Variants in PHF14 observed in about 807,000 individuals in gnomAD.
PHF14 encodes PHD finger protein 14.
Under a neutral mutation model 117.9 loss-of-function variants are expected in PHF14, and 55 were observed. That is an observed-to-expected ratio of 0.47 (90% CI 0.38 to 0.58). The LOEUF is 0.58. Ranked by LOEUF, PHF14 falls within the 20% of genes least tolerant of loss-of-function variation. PHF14 has a pLI of 0.00. For synonymous variants in PHF14, 409 were observed against 368.6 expected, an observed-to-expected ratio of 1.11 and a Z score of -1.26; for missense variants, 978 against 1,122.2, an observed-to-expected ratio of 0.87 and a Z score of 1.84.
intron 16 of PHF14, chr7:11,063,480 G>T (rs1785310513): frequency 1.0e-6 from 1 of 982,104 alleles, no homozygotes; most frequent in Non-Finnish European, 1.2e-6. Flanking sequence ...AATTCCCTTG[G>T]GGTTGAGGGT....
rs189488078 is a variant in PHF14, at chr7:11,154,292, A to C, written c.2773-15124A>C. Among the ~76,000 whole-genome samples, 330 of 152,270 alleles carry C rather than the reference A, an allele frequency of 2.2e-3. 2 individuals are homozygous for C. The highest frequency in any genetic ancestry group is 6.8e-3 in the Middle Eastern group (2 of 294). On this transcript the variant is annotated intron_variant, in intron 17 of 17. Transcript: ENST00000634607. ...TGAGTATGTGTGTGTGTGTCTGTAC[A>C]TTTGCATGTATAAAAGAAAAACAAA...
intron 16 of PHF14, among the ~76,000 whole-genome samples, chr7:11,081,384 C>T (rs1190795186): frequency 6.6e-6 from 1 of 152,058 alleles, no homozygotes; most frequent in Non-Finnish European, 1.5e-5. Context: ...TTATGGTGCT[C>T]ATTATAATAG....
chr7:11,158,017 T>G (rs999588085), intron 17 of PHF14, among the ~76,000 whole-genome samples: 3 of 152,158 alleles, frequency 2.0e-5, no homozygotes, highest in Non-Finnish European at 4.4e-5. Context: ...TGATATACCC[T>G]TTACCCAGCT....
chr7:11,143,685 C>A (rs545635067), intron 17 of PHF14, among the ~76,000 whole-genome samples: 2 of 152,048 alleles, frequency 1.3e-5, no homozygotes, highest in Non-Finnish European at 2.9e-5. Context: ...TAACAAATAT[C>A]TACTAAGCAT....
rs575495883 is a variant in PHF14 at position 11,141,995 on chromosome 7, T to C, written c.2773-27421T>C. On this transcript the variant is annotated intron_variant, in intron 17 of 17. Coordinates refer to ENST00000634607, the MANE Select transcript of PHF14 (RefSeq NM_001007157.2). ...TTCAAATGGCCATATTTTGAATATC[T>C]AGAAATCAGAAAAATAAGCAAATAG... 4.3e-4 allele frequency among the ~76,000 whole-genome samples: 66 copies of C among 152,154 alleles called. 1 individual carries two copies. Among genetic ancestry groups the C allele is most frequent in the African/African-American group, 1.6e-3 (65 of 41,570 alleles).
At chr7:11,161,722 A>AAAAATATTATATTTTATTTAAAT (rs1307878120) in intron 17 of PHF14, among the ~76,000 whole-genome samples, 27 of 147,608 alleles carry the variant, frequency 1.8e-4, no homozygotes, top group African/African-American at 6.2e-4. Flanking sequence ...TTATTTAAAT[A>AAAAATATTATATTTTATTTAAAT]AAAATATTAT....
chr7:11,036,986 G>A lies in PHF14; in HGVS notation c.1875G>A (p.Glu625=). 2.7e-6 allele frequency: 4 copies of A among 1,486,530 alleles called. No homozygotes were observed. Among genetic ancestry groups the A allele is most frequent in the Non-Finnish European group, 3.7e-6 (4 of 1,094,288 alleles). The allele number at this position is 1,486,530 out of a possible 1,614,324, so 92.1% of individuals were successfully genotyped here. ...AAATTCGATATTTCATTTAAATAGA[G>A]AGAAATATGCGCATGATTCAAATTC... ...LTADFVNYYF[E]RNMRMIQIQE... is the part of the protein sequence containing the mutation. The change falls in exon 10 of 18, where the codon GAG becomes GAA. Residue 625 remains glutamate (E), a splice_region_variant and synonymous_variant. Transcript: ENST00000634607.
intron 2 of PHF14, among the ~76,000 whole-genome samples, chr7:10,977,732 T>A (rs906093709): frequency 2.0e-5 from 3 of 152,198 alleles, no homozygotes; most frequent in African/African-American, 4.8e-5. Context: ...ATTAGAATTA[T>A]GGTGATAACC....
chr7:11,022,787 G>A (rs1028049516), intron 5 of PHF14, 81 bp from the exon 6 acceptor site: 11 of 647,552 alleles, frequency 1.7e-5, no homozygotes, highest in African/African-American at 1.3e-4. Context: ...ATTTTGAGAT[G>A]GCAAGCGTTT....
chr7:10,992,678 A>G (rs1357771794), intron 4 of PHF14, among the ~76,000 whole-genome samples: 1 of 152,038 alleles, frequency 6.6e-6, no homozygotes, highest in African/African-American at 2.4e-5. Flanking sequence ...AAACAAACAA[A>G]CAAAAAAAGG....
rs764978234 is a variant in PHF14, at chr7:11,036,974, C to T, written c.1874-11C>T. 13 of 1,464,690 alleles carry T rather than the reference C, an allele frequency of 8.9e-6. No homozygotes were observed. Among genetic ancestry groups the T allele is most frequent in the Non-Finnish European group, 1.2e-5 (13 of 1,078,710 alleles). The allele number at this position is 1,464,690 out of a possible 1,614,324, so 90.7% of individuals were successfully genotyped here. ...CCTACTAAAGTAAAATTCGATATTTCATTTAAATAGAGAGAAATATGCGCA... is the reference window on the plus strand; with the variant it reads ...CCTACTAAAGTAAAATTCGATATTTTATTTAAATAGAGAGAAATATGCGCA... On this transcript the variant is annotated splice_polypyrimidine_tract_variant and intron_variant, in intron 9 of 17. Transcript: ENST00000634607.
chr7:11,043,509 G>A (rs1388482215), intron 13 of PHF14, among the ~76,000 whole-genome samples: 2 of 152,050 alleles, frequency 1.3e-5, no homozygotes, highest in Non-Finnish European at 2.9e-5. Context: ...TTTTAGAAAA[G>A]AGTGAACCCC....
intron 6 of PHF14, among the ~76,000 whole-genome samples, chr7:11,028,034 G>GTATAAATCC (rs1783984145): frequency 3.3e-5 from 5 of 152,016 alleles, no homozygotes; most frequent in Non-Finnish European, 7.4e-5. Flanking sequence ...CTTGACTTAT[G>GTATAAATCC]ATGGGTTTAC....
At chr7:11,123,205 A>T (rs1787825927) in intron 17 of PHF14, among the ~76,000 whole-genome samples, 1 of 152,140 alleles carries the variant, frequency 6.6e-6, no homozygotes, top group Admixed American at 6.6e-5. Context: ...TTTAGGATTT[A>T]AGTGATCCAT....
intron 17 of PHF14, among the ~76,000 whole-genome samples, chr7:11,117,174 G>A (rs1317095308): frequency 2.0e-5 from 3 of 151,812 alleles, no homozygotes; most frequent in African/African-American, 7.3e-5. Context: ...GTACTTTATC[G>A]TGACTATGTC....
chr7:10,977,433 T>C (rs929499767), intron 2 of PHF14, among the ~76,000 whole-genome samples: 2 of 152,142 alleles, frequency 1.3e-5, no homozygotes, highest in African/African-American at 4.8e-5. Flanking sequence ...ATTCTGACTA[T>C]AAAACTTTTT....
intron 17 of PHF14, among the ~76,000 whole-genome samples, chr7:11,143,807 A>G (rs531693837): frequency 1.2e-4 from 18 of 152,234 alleles, no homozygotes; most frequent in South Asian, 2.1e-4. Flanking sequence ...TAGACAAGTG[A>G]CATGAAAACT....
intron 17 of PHF14, among the ~76,000 whole-genome samples, chr7:11,144,210 A>G (rs1214317045): frequency 6.6e-6 from 1 of 152,156 alleles, no homozygotes; most frequent in Non-Finnish European, 1.5e-5. Flanking sequence ...AAGACAAAAA[A>G]TAGCAAATGG....
chr7:11,028,651 T>C (rs746806815), intron 6 of PHF14, 30 bp from the exon 7 acceptor site: 2 of 1,610,756 alleles, frequency 1.2e-6, no homozygotes, highest in East Asian at 2.2e-5. Context: ...ATAAGTTTGC[T>C]TTGAGAATTT....
Sources: allele counts gnomAD v4.1 joint callset (sites outside exome capture counted in the v4.1 genomes callset), GRCh38; gene constraint gnomAD v4.1.1; transcripts MANE v1.5; gene names NCBI Gene and HGNC (gene_info 2026-07-23, HGNC 2026-07-21).